Variants in KATNBL1 observed in about 807,000 individuals in gnomAD.
The protein encoded by KATNBL1 is katanin regulatory subunit B1 like 1.
Under a neutral mutation model 44.7 loss-of-function variants are expected in KATNBL1, and 28 were observed. The observed-to-expected ratio is 0.63, with a 90% CI of 0.46 to 0.86. The LOEUF is 0.86. Ranked by LOEUF, KATNBL1 falls within the 40% of genes least tolerant of loss-of-function variation. KATNBL1 has a pLI of 0.00. For missense variants in KATNBL1, 272 were observed against 350.7 expected (o/e 0.78, Z 1.79); for synonymous variants, 78 against 114.9 (o/e 0.68, Z 2.06).
intron 2 of KATNBL1, among the ~76,000 whole-genome samples, chr15:34,160,718 T>C (rs1888773822): frequency 6.6e-6 from 1 of 152,226 alleles, no homozygotes; most frequent in African/African-American, 2.4e-5. Flanking sequence ...CTTTATACTT[T>C]TTAATCCCTT....
chr15:34,175,297 C>T (rs1200890811), intron 1 of KATNBL1, among the ~76,000 whole-genome samples: 3 of 151,982 alleles, frequency 2.0e-5, no homozygotes, highest in Non-Finnish European at 4.4e-5. Flanking sequence ...GTTACACACC[C>T]CAAATCCCAA....
chr15:34,145,635 G>T, intron 8 of KATNBL1, 144 bp from the exon 9 acceptor site: 1 of 720,656 alleles, frequency 1.4e-6, no homozygotes, highest in Non-Finnish European at 1.9e-6. Context: ...TAAAACATTT[G>T]GGAACGTGGA....
At chr15:34,199,804 A>C (rs891611892) in intron 1 of KATNBL1, 1 of 152,112 alleles carries the variant, frequency 6.6e-6, no homozygotes, top group Non-Finnish European at 1.5e-5. Context: ...CCAAACAGTG[A>C]GCAACAGCAA....
chr15:34,180,045 AC>A (rs1418334518), intron 1 of KATNBL1, among the ~76,000 whole-genome samples: 1 of 152,040 alleles, frequency 6.6e-6, no homozygotes, highest in Non-Finnish European at 1.5e-5. Context: ...TTGCTTTCTC[AC>A]CTCAATTTGG....
intron 1 of KATNBL1, among the ~76,000 whole-genome samples, chr15:34,175,171 A>T (rs1468142008): frequency 2.0e-5 from 3 of 151,980 alleles, no homozygotes; most frequent in Non-Finnish European, 4.4e-5. Context: ...TATATAATAT[A>T]TATGTACATA....
At chr15:34,193,216 C>CAAAAAAAAAAAAAAAAAAAAAAA (rs34216208) in intron 1 of KATNBL1, among the ~76,000 whole-genome samples, 1 of 66,350 alleles carries the variant, frequency 1.5e-5, no homozygotes, top group Non-Finnish European at 2.4e-5. Flanking sequence ...GACTCCGTCT[C>CAAAAAAAAAAAAAAAAAAAAAAA]AAAAAAAAAA....
rs911657832 is a variant in KATNBL1 at position 34,142,987 on chromosome 15, G to A, written c.883-616C>T. On this transcript the variant is annotated intron_variant, in intron 9 of 9. Coordinates refer to ENST00000256544, the MANE Select transcript of KATNBL1 (RefSeq NM_024713.3). Reference sequence around the variant, plus strand: ...GGCCTCCCAAAGTACTGGGATTACAGGCATGAGCCACCTTGCCCGGCCCTC... The same window carrying A: ...GGCCTCCCAAAGTACTGGGATTACAAGCATGAGCCACCTTGCCCGGCCCTC... 20 of 1,047,770 alleles carry A rather than the reference G, an allele frequency of 1.9e-5. No homozygotes were observed. The Admixed American group carries it at 4.3e-4, about 23-fold the overall frequency. The allele number at this position is 1,047,770 out of a possible 1,614,324, so 64.9% of individuals were successfully genotyped here. A position where few individuals can be genotyped will look rare whatever the true frequency, so the allele number is the denominator to read the frequency against.
chr15:34,193,229 A>AAC (rs541886248), intron 1 of KATNBL1, among the ~76,000 whole-genome samples: 7,986 of 127,900 alleles, frequency 0.062, 378 homozygotes, highest in Middle Eastern at 0.11. Flanking sequence ...AAAAAAAAAA[A>AAC]AAAAAACAAA....
intron 1 of KATNBL1, among the ~76,000 whole-genome samples, chr15:34,172,919 A>G (rs943252864): frequency 2.0e-5 from 3 of 152,224 alleles, no homozygotes; most frequent in Non-Finnish European, 4.4e-5. Context: ...GTGAATTTTT[A>G]TTGTATGTAA....
chr15:34,190,887 G>C (rs1889852613), intron 1 of KATNBL1, among the ~76,000 whole-genome samples: 1 of 152,156 alleles, frequency 6.6e-6, no homozygotes, highest in Admixed American at 6.5e-5. Flanking sequence ...GCGACCATGA[G>C]GATGCAATTA....
chr15:34,201,544 T>C (rs1275731969), intron 1 of KATNBL1, among the ~76,000 whole-genome samples: 1 of 152,208 alleles, frequency 6.6e-6, no homozygotes, highest in African/African-American at 2.4e-5. Context: ...ATACATATTT[T>C]CTTAAATGGC....
intron 1 of KATNBL1, among the ~76,000 whole-genome samples, chr15:34,183,377 T>C (rs1441707388): frequency 6.6e-6 from 1 of 152,162 alleles, no homozygotes; most frequent in African/African-American, 2.4e-5. Flanking sequence ...TTCTACTTAC[T>C]ATGCAGGTAG....
At chr15:34,191,165 AT>A (rs1889861614) in intron 1 of KATNBL1, among the ~76,000 whole-genome samples, 1 of 69,844 alleles carries the variant, frequency 1.4e-5, no homozygotes, top group East Asian at 3.7e-4. Flanking sequence ...ATATATATAT[AT>A]ATATATATAT....
At chr15:34,184,198 C>A (rs562646580) in intron 1 of KATNBL1, among the ~76,000 whole-genome samples, 3 of 151,734 alleles carry the variant, frequency 2.0e-5, no homozygotes, top group African/African-American at 7.3e-5. Context: ...CCCAGCTACT[C>A]GGGAGGCTGA....
intron 1 of KATNBL1, among the ~76,000 whole-genome samples, chr15:34,198,553 T>C (rs1231535733): frequency 5.3e-5 from 8 of 152,246 alleles, no homozygotes; most frequent in African/African-American, 1.9e-4. Flanking sequence ...TCTCAATGAA[T>C]GTTTCTCTAC....
At chr15:34,195,649 T>A (rs967779657) in intron 1 of KATNBL1, among the ~76,000 whole-genome samples, 1 of 147,378 alleles carries the variant, frequency 6.8e-6, no homozygotes, top group African/African-American at 2.6e-5. Flanking sequence ...CGAGATCCCA[T>A]GACTGCACTC....
intron 5 of KATNBL1, among the ~76,000 whole-genome samples, chr15:34,147,726 G>A (rs1888352929): frequency 6.6e-6 from 1 of 152,184 alleles, no homozygotes; most frequent in African/African-American, 2.4e-5. Context: ...ACAGGAAAGC[G>A]AGATAGGGAG....
chr15:34,195,733 C>G (rs1201166639), intron 1 of KATNBL1, among the ~76,000 whole-genome samples: 1 of 148,870 alleles, frequency 6.7e-6, no homozygotes, highest in African/African-American at 2.5e-5. Flanking sequence ...AAAAAACCCA[C>G]AAATAATTTT....
Position 34,152,870 on chromosome 15 carries a change from T to G in KATNBL1, c.358A>C (p.Thr120Pro). 2 of 1,613,924 alleles carry G rather than the reference T, an allele frequency of 1.2e-6. No homozygotes were observed. Among genetic ancestry groups the G allele is most frequent in the Non-Finnish European group, 1.7e-6 (2 of 1,179,814 alleles). ...GAATCACTGGAGTTAACCAAATATG[T>G]TCGACTATCATGGTGTAATTTTTCA... ...LPEKLHHDSR[T>P]YLVNSSDSGS... The change falls in exon 4 of 10, where the codon ACA (threonine) becomes CCA (proline). Residue 120 changes from threonine to proline, a missense_variant. Around this residue, in one of 3 missense-constraint regions of KATNBL1, gnomAD observed 111 missense variants for 149.3 expected, o/e 0.74. Coordinates refer to ENST00000256544, the MANE Select transcript of KATNBL1 (RefSeq NM_024713.3).
Sources: allele counts gnomAD v4.1 joint callset (sites outside exome capture counted in the v4.1 genomes callset), GRCh38; gene constraint gnomAD v4.1.1; regional missense constraint gnomAD v4.1.1; transcripts MANE v1.5; gene names NCBI Gene and HGNC (gene_info 2026-07-23, HGNC 2026-07-21).